VCL: variants seen among roughly 807,000 people sequenced by gnomAD.
VCL encodes vinculin.
A neutral mutation model predicts 125.7 loss-of-function variants in VCL; 47 were observed. That is an observed-to-expected ratio of 0.37 (90% confidence interval 0.30 to 0.48). The LOEUF (loss-of-function observed/expected upper bound fraction) is 0.48, where lower values mean the gene tolerates loss of function less well. VCL is among the 20% of genes least tolerant of loss of function. VCL has a pLI of 0.99. For missense variants in VCL, 1,069 were observed against 1,455.5 expected (o/e 0.73, Z 4.32); for synonymous variants, 458 against 514.6 (o/e 0.89, Z 1.49).
intron 1 of VCL, among the ~76,000 whole-genome samples, chr10:74,019,825 G>T (rs962883910): frequency 2.1e-4 from 32 of 152,194 alleles, no homozygotes; most frequent in African/African-American, 7.7e-4. Flanking sequence ...CACTTTAGGA[G>T]GTTGAGATGG....
intron 7 of VCL, among the ~76,000 whole-genome samples, 161 bp from the exon 8 acceptor site, chr10:74,083,205 T>C (rs552605235): frequency 2.0e-5 from 3 of 152,358 alleles, no homozygotes; most frequent in African/African-American, 7.2e-5. Flanking sequence ...CCCTATGGTT[T>C]AAGGGCACTG....
At chr10:74,011,948 AT>A (rs1439606228) in intron 1 of VCL, among the ~76,000 whole-genome samples, 1 of 152,212 alleles carries the variant, frequency 6.6e-6, no homozygotes, top group Non-Finnish European at 1.5e-5. Context: ...CACTGATAAA[AT>A]TTCCAGTTGA....
intron 2 of VCL, among the ~76,000 whole-genome samples, chr10:74,067,813 G>T (rs557439006): frequency 6.6e-6 from 1 of 152,164 alleles, no homozygotes; most frequent in African/African-American, 2.4e-5. Flanking sequence ...GCAGATTAGC[G>T]GTTATCAGGG....
intron 6 of VCL, among the ~76,000 whole-genome samples, chr10:74,081,462 G>A (rs1235551933): frequency 6.6e-6 from 1 of 152,174 alleles, no homozygotes; most frequent in Non-Finnish European, 1.5e-5. Flanking sequence ...GAAACTGAAG[G>A]AAGCTAGGAC....
At chr10:74,101,451 C>T (rs1840054140) in intron 14 of VCL, among the ~76,000 whole-genome samples, 1 of 151,932 alleles carries the variant, frequency 6.6e-6, no homozygotes, top group Admixed American at 6.6e-5. Flanking sequence ...GCCCCACTGC[C>T]CTCCAGCCTG....
intron 1 of VCL, among the ~76,000 whole-genome samples, chr10:74,034,305 C>T (rs914470730): frequency 6.6e-6 from 1 of 152,090 alleles, no homozygotes; most frequent in African/African-American, 2.4e-5. Flanking sequence ...ATTTCCTGTC[C>T]TCTCCACATC....
Position 74,074,781 on chromosome 10 carries a change from C to G in VCL, c.661C>G (p.Gln221Glu), listed in dbSNP as rs950610336. 3 of 1,613,246 alleles carry G rather than the reference C, an allele frequency of 1.9e-6. No homozygotes were observed. The highest frequency in any genetic ancestry group is 2.5e-6 in the Non-Finnish European group (3 of 1,179,856). ...IFVTTKNSKNQGIEEALKNRN... is the reference protein window; with the variant it reads ...IFVTTKNSKNEGIEEALKNRN... ...TGTAACAACTAAAAACTCAAAAAAC[C>G]AAGGCATAGAGGAAGCTTTAAAAAA... Residue 221 changes from glutamine (Q) to glutamate (E), a missense_variant, in exon 6 of 22, where the codon CAA becomes GAA. By Grantham distance (29) the Gln-to-Glu change is conservative (BLOSUM62 2). Coordinates refer to ENST00000211998, the MANE Select transcript of VCL (RefSeq NM_014000.3).
In VCL at chr10:74,097,192, A is replaced by C. The variant is rs763358338; in HGVS notation, c.1744-12A>C. The C allele has an allele frequency of 1.9e-6, 3 of 1,613,282 alleles. No individual in the cohort carries two copies. Among genetic ancestry groups the C allele is most frequent in the Non-Finnish European group, 2.5e-6 (3 of 1,179,614 alleles). On this transcript the variant is annotated splice_polypyrimidine_tract_variant and intron_variant, in intron 12 of 21. Coordinates refer to ENST00000211998, the MANE Select transcript of VCL (RefSeq NM_014000.3). The surrounding 1 kb of genome is among the most constrained non-coding windows in gnomAD (Gnocchi z 4.1). Reference sequence around the variant, plus strand: ...TATCTGGACATTTTCATATGTAAACAATGTTTTTAAGGATCTAAAAGCTCG... The same window carrying C: ...TATCTGGACATTTTCATATGTAAACCATGTTTTTAAGGATCTAAAAGCTCG...
chr10:74,087,728 C>G (rs1481335215), intron 8 of VCL, among the ~76,000 whole-genome samples: 9 of 151,870 alleles, frequency 5.9e-5, no homozygotes. Flanking sequence ...GTAATCCCAG[C>G]ACTTTGGGAG....
chr10:74,067,136 A>G (rs1475028792), intron 2 of VCL, among the ~76,000 whole-genome samples: 1 of 152,214 alleles, frequency 6.6e-6, no homozygotes, highest in Non-Finnish European at 1.5e-5. Context: ...GGAAAAAAAC[A>G]TTTGCAAATT....
intron 1 of VCL, among the ~76,000 whole-genome samples, chr10:74,029,076 C>T (rs571308139): frequency 5.3e-5 from 8 of 152,022 alleles, no homozygotes; most frequent in Admixed American, 1.3e-4. Context: ...ACTTCGGCCT[C>T]CCAAAGTGCT....
chr10:74,039,172 A>G (rs1256641288), intron 1 of VCL, among the ~76,000 whole-genome samples: 1 of 152,022 alleles, frequency 6.6e-6, no homozygotes, highest in Non-Finnish European at 1.5e-5. Context: ...TCGGCCTCCC[A>G]AAGTGCTGGG....
intron 2 of VCL, among the ~76,000 whole-genome samples, chr10:74,043,562 GTCTTGA>G (rs1470933847): frequency 1.3e-5 from 2 of 151,964 alleles, no homozygotes; most frequent in Admixed American, 1.3e-4. Flanking sequence ...GGCCAAGCTG[GTCTTGA>G]ACTTCCGACC....
At chr10:74,044,009 G>A (rs1841147739) in intron 2 of VCL, among the ~76,000 whole-genome samples, 1 of 151,890 alleles carries the variant, frequency 6.6e-6, no homozygotes, top group Admixed American at 6.6e-5. Context: ...TATTTGGGAG[G>A]CTGAGGCAGG....
intron 18 of VCL, among the ~76,000 whole-genome samples, chr10:74,111,462 T>C (rs369071859): frequency 8.5e-5 from 13 of 152,244 alleles, no homozygotes; most frequent in African/African-American, 2.9e-4. Context: ...GTGTTCACTT[T>C]GTTCTGTACA....
At position 74,072,792 on chromosome 10, in the gene VCL, C is replaced by T. The variant is rs397517244; in HGVS notation, c.562C>T (p.Arg188Ter). 2.0e-5 allele frequency: 32 copies of T among 1,613,888 alleles called. No homozygotes were observed. The highest frequency in any genetic ancestry group is 2.5e-5 in the Non-Finnish European group (29 of 1,179,988). The change falls in exon 5 of 22, where the codon CGA becomes TGA. Residue 188 changes from arginine (R) to a stop codon, truncating the protein, a stop_gained. Transcript: ENST00000211998. LOFTEE classifies it high-confidence loss of function. ...RQQELTHQEH[R>*]VMLVNSMNTV... ...GCAGGAGCTCACTCACCAGGAGCACCGAGTGATGTTGGTGAACTCGATGAA... is the reference window on the plus strand; with the variant it reads ...GCAGGAGCTCACTCACCAGGAGCACTGAGTGATGTTGGTGAACTCGATGAA...
chr10:74,003,225 A>T (rs879134680), intron 1 of VCL, among the ~76,000 whole-genome samples: 5 of 151,984 alleles, frequency 3.3e-5, no homozygotes, highest in Non-Finnish European at 7.4e-5. Context: ...GGCATGTACC[A>T]CTTAAAACTC....
At chr10:74,077,651 ATAAT>A (rs1179033746) in intron 6 of VCL, 1 of 445,576 alleles carries the variant, frequency 2.2e-6, no homozygotes, top group African/African-American at 2.0e-5. Flanking sequence ...CTACCAATAA[ATAAT>A]TAACTTTGTC....
At chr10:74,074,005 A>G (rs1839537321) in intron 5 of VCL, among the ~76,000 whole-genome samples, 2 of 152,138 alleles carry the variant, frequency 1.3e-5, no homozygotes, top group Admixed American at 1.3e-4. Flanking sequence ...AGGTGGGTGG[A>G]TCACCTGAGG....
Sources: allele counts gnomAD v4.1 joint callset (sites outside exome capture counted in the v4.1 genomes callset), GRCh38; gene constraint gnomAD v4.1.1; non-coding constraint Gnocchi (gnomAD v3.1); transcripts MANE v1.5; gene names NCBI Gene and HGNC (gene_info 2026-07-23, HGNC 2026-07-21).